CREBBP: variants seen among roughly 807,000 people sequenced by gnomAD.
The protein encoded by CREBBP is CREB binding lysine acetyltransferase.
Under a neutral mutation model 265.0 loss-of-function variants are expected in CREBBP, and 19 were observed. The ratio of observed to expected loss-of-function variants is 0.07; its 90% CI spans 0.05 to 0.11. The LOEUF (loss-of-function observed/expected upper bound fraction) is 0.11, where lower values mean the gene tolerates loss of function less well. CREBBP is among the 10% of genes least tolerant of loss of function. The pLI is 1.00. For synonymous variants in CREBBP, 1,457 were observed against 1,223.7 expected, an observed-to-expected ratio of 1.19 and a Z score of -3.98; for missense variants, 2,525 against 3,219.0, an observed-to-expected ratio of 0.78 and a Z score of 5.22.
chr16:3,806,868 A>G (rs1473713256), intron 3 of CREBBP, among the ~76,000 whole-genome samples: 5 of 151,440 alleles, frequency 3.3e-5, no homozygotes, highest in Non-Finnish European at 7.4e-5. Context: ...GTTCCTACGC[A>G]AGCCAGTGCT....
At chr16:3,804,970 GCTA>G (rs1448817004) in intron 3 of CREBBP, among the ~76,000 whole-genome samples, 1 of 152,200 alleles carries the variant, frequency 6.6e-6, no homozygotes, top group Non-Finnish European at 1.5e-5. Flanking sequence ...AATATGTGGG[GCTA>G]CCCCTAATAC....
chr16:3,842,734 G>A (rs1423295118), intron 2 of CREBBP, among the ~76,000 whole-genome samples: 1 of 152,168 alleles, frequency 6.6e-6, no homozygotes, highest in South Asian at 2.1e-4. Flanking sequence ...GGAGGCTGAG[G>A]TGGGCAGATC....
intron 13 of CREBBP, among the ~76,000 whole-genome samples, chr16:3,771,445 G>GTATATA (rs2053006200): frequency 6.6e-6 from 1 of 152,098 alleles, no homozygotes; most frequent in Non-Finnish European, 1.5e-5. Flanking sequence ...CACTTGTAAT[G>GTATATA]GGCACTCCTC....
At chr16:3,735,726 G>C (rs1596802719) in intron 28 of CREBBP, among the ~76,000 whole-genome samples, 1 of 152,190 alleles carries the variant, frequency 6.6e-6, no homozygotes, top group Non-Finnish European at 1.5e-5. Flanking sequence ...TGGCAACCCT[G>C]TGCCTCCTCG....
rs2151384215 is a variant in CREBBP, at chr16:3,758,053, A to T, written c.3370-5T>A. 7.3e-7 allele frequency: 1 copy of T among 1,366,532 alleles called. No homozygotes were observed. The highest frequency in any genetic ancestry group is 9.7e-7 in the Non-Finnish European group (1 of 1,034,588). 84.7% of individuals were successfully genotyped at this position (1,366,532 alleles called of 1,614,324 possible). A position where few individuals can be genotyped will look rare whatever the true frequency, so the allele number is the denominator to read the frequency against. On this transcript the variant is annotated splice_region_variant and splice_polypyrimidine_tract_variant and intron_variant, in intron 17 of 30. Transcript: ENST00000262367. ...CTTTACGATGTCAAAATAGTCCTTA[A>T]AAAAAAAAAAATGGTCTCAGTATAG...
At position 3,728,600 on chromosome 16, in the gene CREBBP, C is replaced by A. The variant is rs767792190; in HGVS notation, c.6447G>T (p.Val2149=). Residue 2149 remains valine (V), a synonymous_variant, in exon 31 of 31, where the codon GTG becomes GTT. Transcript: ENST00000262367. The surrounding 1 kb of genome is among the most constrained non-coding windows in gnomAD (Gnocchi z 8.7). ...LQNLNAMQAG[V]PRPGVPPQQQ... ...GCTGTGGAGGCACACCGGGCCGCGGCACGCCAGCCTGCATGGCATTCAGGT... is the reference window on the plus strand; with the variant it reads ...GCTGTGGAGGCACACCGGGCCGCGGAACGCCAGCCTGCATGGCATTCAGGT... 1.9e-6 allele frequency: 3 copies of A among 1,613,758 alleles called. No individual in the cohort carries two copies. The highest frequency in any genetic ancestry group is 4.5e-5 in the East Asian group (2 of 44,868).
chr16:3,756,466 A>AT (rs112942019), intron 19 of CREBBP, among the ~76,000 whole-genome samples: 1 of 152,332 alleles, frequency 6.6e-6, no homozygotes, highest in African/African-American at 2.4e-5. Flanking sequence ...CTCTCTACCT[A>AT]TTTTAAGACA....
chr16:3,855,420 G>A (rs1331279311), intron 1 of CREBBP, among the ~76,000 whole-genome samples: 8 of 152,072 alleles, frequency 5.3e-5, no homozygotes, highest in Non-Finnish European at 1.0e-4. Context: ...GTGCACCACC[G>A]CACCCGGCTA....
intron 2 of CREBBP, among the ~76,000 whole-genome samples, chr16:3,846,914 T>C (rs1296408197): frequency 2.0e-5 from 3 of 152,194 alleles, no homozygotes; most frequent in Non-Finnish European, 4.4e-5. Flanking sequence ...CTTAAGAGTA[T>C]TTTTATGGTT....
At chr16:3,831,639 A>G (rs905870554) in intron 2 of CREBBP, among the ~76,000 whole-genome samples, 6 of 152,184 alleles carry the variant, frequency 3.9e-5, no homozygotes, top group Non-Finnish European at 8.8e-5. Context: ...ACCCCAACCT[A>G]GATCAATGAG....
At chr16:3,878,054 T>C (rs140358404) in intron 1 of CREBBP, among the ~76,000 whole-genome samples, 1 of 152,228 alleles carries the variant, frequency 6.6e-6, no homozygotes, top group Admixed American at 6.5e-5. Context: ...GATGTACATA[T>C]AAGGACATGC....
chr16:3,751,851 C>T, intron 19 of CREBBP, 45 bp from the exon 20 acceptor site: 3 of 1,585,594 alleles, frequency 1.9e-6, no homozygotes, highest in Non-Finnish European at 2.6e-6. Context: ...TCCATCATAA[C>T]ACACAGCCAC....
intron 13 of CREBBP, among the ~76,000 whole-genome samples, chr16:3,772,915 C>CAAAAAAAAAAAAAAAAAAAAAA (rs144154476): frequency 1.1e-5 from 1 of 88,842 alleles, no homozygotes. Flanking sequence ...ACTAAAAATA[C>CAAAAAAAAAAAAAAAAAAAAAA]AAAAAAAAAA....
intron 5 of CREBBP, among the ~76,000 whole-genome samples, chr16:3,783,132 G>A (rs574343616): frequency 1.3e-5 from 2 of 152,256 alleles, no homozygotes; most frequent in South Asian, 4.1e-4. Context: ...GGAACAAAAA[G>A]TTAAAGAAAA....
intron 21 of CREBBP, 99 bp downstream of exon 21, chr16:3,749,528 A>C (rs778997134): frequency 1.1e-5 from 9 of 785,596 alleles, no homozygotes; most frequent in African/African-American, 5.2e-5. Flanking sequence ...TTACGGCAAC[A>C]TATTTCCAAT....
At position 3,777,895 on chromosome 16, in the gene CREBBP, C is replaced by A. The variant is rs537374373; in HGVS notation, c.2113+116G>T. 1.2e-4 allele frequency: 163 copies of A among 1,307,096 alleles called. No individual in the cohort carries two copies. In the African/African-American group the frequency reaches 2.1e-3, roughly 17 times the overall value. The allele number at this position is 1,307,096 out of a possible 1,614,324, so 81.0% of individuals were successfully genotyped here. A position where few individuals can be genotyped will look rare whatever the true frequency, so the allele number is the denominator to read the frequency against. ...GTCAGGGCCACTGCCACATCAACAG[C>A]TTCTGCAGGGCATGCATCAGATATT... On this transcript the variant is annotated intron_variant, in intron 10 of 30. Transcript: ENST00000262367.
chr16:3,856,378 G>A (rs2054964279), intron 1 of CREBBP, among the ~76,000 whole-genome samples: 1 of 152,206 alleles, frequency 6.6e-6, no homozygotes, highest in Non-Finnish European at 1.5e-5. Flanking sequence ...GTGCAGTGAA[G>A]TTGCAGGCTC....
Position 3,780,875 on chromosome 16 carries a change from T to A in CREBBP, c.1680A>T (p.Pro560=). The change falls in exon 8 of 31, where the codon CCA becomes CCT. Residue 560 remains proline, a synonymous_variant. Transcript: ENST00000262367. ...ALPTSLGATN[P]LMNDGSNSGN... ...CAGAGTTGGAGCCATCGTTCATCAG[T>A]GGGCTAAGGAGGAAATAAAGACACT... 6.2e-7 allele frequency: 1 copy of A among 1,613,366 alleles called. No homozygotes were observed. Among genetic ancestry groups the A allele is most frequent in the Non-Finnish European group, 8.5e-7 (1 of 1,180,016 alleles).
At chr16:3,879,234 G>GCGCACACA (rs1249627930) in intron 1 of CREBBP, among the ~76,000 whole-genome samples, 37 of 150,838 alleles carry the variant, frequency 2.5e-4, no homozygotes, top group African/African-American at 7.8e-4. Context: ...ACACACGCGC[G>GCGCACACA]CACACACACA....
Sources: allele counts gnomAD v4.1 joint callset (sites outside exome capture counted in the v4.1 genomes callset), GRCh38; gene constraint gnomAD v4.1.1; non-coding constraint Gnocchi (gnomAD v3.1); transcripts MANE v1.5; gene names NCBI Gene and HGNC (gene_info 2026-07-23, HGNC 2026-07-21).